The following ZBTB16 variants were observed in gnomAD, a reference collection of about 807,000 sequenced individuals.
The protein encoded by ZBTB16 is zinc finger and BTB domain containing 16.
A neutral mutation model predicts 56.8 loss-of-function variants in ZBTB16; 8 were observed. The observed-to-expected ratio is 0.14, with a 90% CI of 0.08 to 0.25. ZBTB16 has a LOEUF of 0.25. ZBTB16 is among the 10% of genes least tolerant of loss of function. The pLI, the probability that ZBTB16 is intolerant of heterozygous loss-of-function variation, is 1.00. For missense variants in ZBTB16, 625 were observed against 903.0 expected (o/e 0.69, Z 3.95); for synonymous variants, 363 against 368.5 (o/e 0.98, Z 0.17).
chr11:114,109,404 G>A (rs993659021), intron 2 of ZBTB16, among the ~76,000 whole-genome samples: 1 of 152,206 alleles, frequency 6.6e-6, no homozygotes, highest in African/African-American at 2.4e-5. Flanking sequence ...TCACATCTCA[G>A]ATTCTTGCAG....
intron 2 of ZBTB16, among the ~76,000 whole-genome samples, chr11:114,127,748 C>G (rs544820174): frequency 1.4e-4 from 21 of 152,290 alleles, no homozygotes; most frequent in African/African-American, 4.8e-4. Flanking sequence ...CTGGTGAAGC[C>G]TGAATCTTCC....
At chr11:114,179,955 G>A (rs1321437584) in intron 3 of ZBTB16, among the ~76,000 whole-genome samples, 3 of 152,140 alleles carry the variant, frequency 2.0e-5, no homozygotes, top group African/African-American at 4.8e-5. Flanking sequence ...GGGATCCTGG[G>A]CATTTAGAGA....
intron 2 of ZBTB16, among the ~76,000 whole-genome samples, chr11:114,153,064 C>A (rs1942315208): frequency 6.6e-6 from 1 of 152,232 alleles, no homozygotes; most frequent in South Asian, 2.1e-4. Context: ...GGTTGGAATT[C>A]TATTTCCACA....
chr11:114,063,081 C>T lies in ZBTB16; in HGVS notation c.-90-130C>T. Reference sequence around the variant, plus strand: ...CTTCAATTAAAATCTCTAAGATCCTCTTGCTAAGGGCTTGGCAACAGGGAG... The same window carrying T: ...CTTCAATTAAAATCTCTAAGATCCTTTTGCTAAGGGCTTGGCAACAGGGAG... On this transcript the variant is annotated intron_variant, in intron 1 of 6. Coordinates refer to ENST00000335953, the MANE Select transcript of ZBTB16 (RefSeq NM_006006.6). This position sits in a 1 kb window ranked among gnomAD's most constrained non-coding sequence, Gnocchi z 6.5. 1 of 589,546 alleles carries T rather than the reference C, an allele frequency of 1.7e-6. No homozygotes were observed. Among genetic ancestry groups the T allele is most frequent in the East Asian group, 2.9e-5 (1 of 34,958 alleles). 36.5% of individuals were successfully genotyped at this position (589,546 alleles called of 1,614,324 possible).
rs1195915669 is a variant in ZBTB16 at position 114,254,363 on chromosome 11, A to G, written c.*3808A>G. Among the ~76,000 whole-genome samples the G allele has an allele frequency of 6.6e-6, 1 of 151,982 alleles. No homozygotes were observed. Among genetic ancestry groups the G allele is most frequent in the Non-Finnish European group, 1.5e-5 (1 of 68,000 alleles). On this transcript the variant is annotated 3_prime_UTR_variant, in exon 7 of 7. Coordinates refer to ENST00000335953, the MANE Select transcript of ZBTB16 (RefSeq NM_006006.6). ...AAGGGATGCAACGCGGGCTTGTTTA[A>G]TCTTTGTGCCTGAACAGTTTTTCCA...
intron 4 of ZBTB16, among the ~76,000 whole-genome samples, chr11:114,210,162 AGTGTGTGTGT>A (rs139074973): frequency 8.9e-5 from 12 of 134,748 alleles, no homozygotes; most frequent in East Asian, 2.3e-4. Context: ...AGCCAAAGCT[AGTGTGTGTGT>A]GTGTGTGTGT....
At chr11:114,169,888 T>C (rs1016641516) in intron 3 of ZBTB16, among the ~76,000 whole-genome samples, 5 of 152,148 alleles carry the variant, frequency 3.3e-5, no homozygotes, top group Admixed American at 1.3e-4. Context: ...CCTACCTTTC[T>C]GGACAAGAGG....
chr11:114,082,116 CAAAA>C (rs55670871), intron 2 of ZBTB16, among the ~76,000 whole-genome samples: 1 of 138,546 alleles, frequency 7.2e-6, no homozygotes, highest in African/African-American at 2.8e-5. Flanking sequence ...ACGATCTTTA[CAAAA>C]AAAAAAAAAA....
At chr11:114,205,839 T>G (rs2135116875) in intron 4 of ZBTB16, among the ~76,000 whole-genome samples, 1 of 152,318 alleles carries the variant, frequency 6.6e-6, no homozygotes, top group East Asian at 1.9e-4. Context: ...AGCTGCCCCT[T>G]GGGCCCTAGA....
At chr11:114,235,780 CCT>C (rs2135186217) in intron 4 of ZBTB16, among the ~76,000 whole-genome samples, 1 of 141,546 alleles carries the variant, frequency 7.1e-6, no homozygotes, top group African/African-American at 2.9e-5. Context: ...TTCCTTCCTT[CCT>C]TCCTTCTCCT....
chr11:114,072,646 C>G lies in ZBTB16; in HGVS notation c.1268+8078C>G, dbSNP rs577578803. On this transcript the variant is annotated intron_variant, in intron 2 of 6. Coordinates refer to ENST00000335953, the MANE Select transcript of ZBTB16 (RefSeq NM_006006.6). ...CATGTCAGATTCTGTGCTAAGTGCACTCACAGCCAGCATCTCTGTAAGACC... is the reference window on the plus strand; with the variant it reads ...CATGTCAGATTCTGTGCTAAGTGCAGTCACAGCCAGCATCTCTGTAAGACC... 1.6e-4 allele frequency among the ~76,000 whole-genome samples: 25 copies of G among 152,306 alleles called. 1 individual carries two copies. Among genetic ancestry groups the G allele is most frequent in the African/African-American group, 5.8e-4 (24 of 41,570 alleles).
intron 2 of ZBTB16, among the ~76,000 whole-genome samples, chr11:114,148,236 A>G (rs990125666): frequency 1.3e-5 from 2 of 151,916 alleles, no homozygotes; most frequent in Admixed American, 1.3e-4. Context: ...GTCCTTCCTC[A>G]TATTTTCAAG....
At chr11:114,185,293 A>T (rs528972349) in intron 3 of ZBTB16, among the ~76,000 whole-genome samples, 1 of 152,318 alleles carries the variant, frequency 6.6e-6, no homozygotes, top group African/African-American at 2.4e-5. Context: ...CAGAAGAGTA[A>T]GGGACTTGAG....
At chr11:114,077,160 T>G (rs1254741088) in intron 2 of ZBTB16, among the ~76,000 whole-genome samples, 1 of 152,112 alleles carries the variant, frequency 6.6e-6, no homozygotes, top group Non-Finnish European at 1.5e-5. Context: ...ATTAGCCTAT[T>G]CCATTCAGTC....
At chr11:114,088,058 C>T (rs1487468629) in intron 2 of ZBTB16, among the ~76,000 whole-genome samples, 1 of 152,054 alleles carries the variant, frequency 6.6e-6, no homozygotes, top group African/African-American at 2.4e-5. Context: ...GGGCATTCTT[C>T]CTCCTTGCAT....
At chr11:114,144,177 GACACACACACACACACAC>G (rs56679355) in intron 2 of ZBTB16, among the ~76,000 whole-genome samples, 1 of 144,968 alleles carries the variant, frequency 6.9e-6, no homozygotes, top group African/African-American at 2.5e-5. Flanking sequence ...GTGTTTGCCA[GACACACACACACACACAC>G]ACACACACAC....
At chr11:114,074,040 G>A (rs1190617902) in intron 2 of ZBTB16, among the ~76,000 whole-genome samples, 1 of 152,218 alleles carries the variant, frequency 6.6e-6, no homozygotes, top group Non-Finnish European at 1.5e-5. Flanking sequence ...CCTCTGTGAA[G>A]CAGCAGTATC....
chr11:114,172,809 T>TC (rs1472145067), intron 3 of ZBTB16, among the ~76,000 whole-genome samples: 1 of 152,224 alleles, frequency 6.6e-6, no homozygotes, highest in African/African-American at 2.4e-5. Flanking sequence ...GCAAATAGTT[T>TC]CCCACCTGGA....
rs192309039 is a variant in ZBTB16, at chr11:114,127,088, C to T, written c.1269-29249C>T. 2.2e-3 allele frequency among the ~76,000 whole-genome samples: 332 copies of T among 152,288 alleles called. 2 individuals carry two copies. The highest frequency in any genetic ancestry group is 7.8e-3 in the African/African-American group (323 of 41,558). Reference sequence around the variant, plus strand: ...GCACTCCCTGGCTCTTGCAGTTCCCCCTTGCCCCCCAACTCCACTATTCCC... The same window carrying T: ...GCACTCCCTGGCTCTTGCAGTTCCCTCTTGCCCCCCAACTCCACTATTCCC... On this transcript the variant is annotated intron_variant, in intron 2 of 6. Transcript: ENST00000335953.
Sources: allele counts gnomAD v4.1 joint callset (sites outside exome capture counted in the v4.1 genomes callset), GRCh38; gene constraint gnomAD v4.1.1; non-coding constraint Gnocchi (gnomAD v3.1); transcripts MANE v1.5; gene names NCBI Gene and HGNC (gene_info 2026-07-23, HGNC 2026-07-21).